Variants in PREX1 observed in about 807,000 individuals in gnomAD.
PREX1 encodes phosphatidylinositol 3,4,5-trisphosphate-dependent Rac exchanger 1 protein.
A neutral mutation model predicts 198.3 loss-of-function variants in PREX1; 41 were observed. The observed-to-expected ratio is 0.21, with a 90% CI of 0.16 to 0.27. PREX1 has a LOEUF of 0.27. Among genes scored for constraint, PREX1 ranks in the 10% least tolerant of loss-of-function variants. PREX1 has a pLI of 1.00. For missense variants in PREX1, 1,620 were observed against 2,200.7 expected, an observed-to-expected ratio of 0.74 and a Z score of 5.28; for synonymous variants, 843 against 887.2, an observed-to-expected ratio of 0.95 and a Z score of 0.89.
At chr20:48,763,971 C>T (rs1374243146) in intron 1 of PREX1, among the ~76,000 whole-genome samples, 2 of 152,168 alleles carry the variant, frequency 1.3e-5, no homozygotes, top group Non-Finnish European at 1.5e-5. Flanking sequence ...CAGTGGCTGA[C>T]GCGGCAGCCT....
the PREX1 span, among the ~76,000 whole-genome samples, chr20:48,838,602 G>A: frequency 6.6e-6 from 1 of 152,136 alleles, no homozygotes; most frequent in South Asian, 2.1e-4. Context: ...AAATGCTCAT[G>A]ATACATAGAT....
At chr20:48,705,933 A>G (rs1221619306) in intron 6 of PREX1, among the ~76,000 whole-genome samples, 3 of 152,224 alleles carry the variant, frequency 2.0e-5, no homozygotes. Context: ...AGGGCAGTCT[A>G]TAAGTTACAG....
rs1394443769 is a variant in PREX1, at chr20:48,684,690, C to T, written c.1335-3355G>A. 6.6e-6 allele frequency among the ~76,000 whole-genome samples: 1 copy of T among 152,178 alleles called. No homozygotes were observed. The highest frequency in any genetic ancestry group is 1.5e-5 in the Non-Finnish European group (1 of 68,036). On this transcript the variant is annotated intron_variant, in intron 10 of 39. Coordinates refer to ENST00000371941, the MANE Select transcript of PREX1 (RefSeq NM_020820.4). The surrounding 1 kb of genome is among the most constrained non-coding windows in gnomAD (Gnocchi z 4.2). ...CTGGATCCTCATCTCACTCCACTAC[C>T]GAGACTCCTCCAGTGGCTTCCCACA...
the PREX1 span, among the ~76,000 whole-genome samples, chr20:48,872,587 A>G: frequency 6.6e-6 from 1 of 152,246 alleles, no homozygotes; most frequent in Middle Eastern, 3.4e-3. Flanking sequence ...ATACTAAAAA[A>G]TATAAAAAAT....
intron 1 of PREX1, 111 bp from the exon 2 acceptor site, chr20:48,747,991 C>T (rs1254692938): frequency 5.8e-5 from 55 of 949,886 alleles, no homozygotes; most frequent in Non-Finnish European, 8.2e-5. Flanking sequence ...GGAGGTACCA[C>T]GAGTCCAGGG....
chr20:48,800,353 G>A (rs749976328), intron 1 of PREX1, among the ~76,000 whole-genome samples: 22 of 152,212 alleles, frequency 1.4e-4, no homozygotes, highest in Non-Finnish European at 2.8e-4. Context: ...TTCCTGAGAT[G>A]TGGGACTTTT....
chr20:48,625,660 C>T lies in PREX1; in HGVS notation c.*225G>A. The T allele has an allele frequency of 3.7e-6, 2 of 537,828 alleles. No individual in the cohort carries two copies. Among genetic ancestry groups the T allele is most frequent in the Non-Finnish European group, 6.4e-6 (2 of 312,146 alleles). 33.3% of individuals were successfully genotyped at this position (537,828 alleles called of 1,614,324 possible). A position where few individuals can be genotyped will look rare whatever the true frequency, so the allele number is the denominator to read the frequency against. On this transcript the variant is annotated 3_prime_UTR_variant, in exon 40 of 40. Coordinates refer to ENST00000371941, the MANE Select transcript of PREX1 (RefSeq NM_020820.4). ...TCTCCAGCACCCCTCCAGCTTCTGG[C>T]AGGCGTGTGAAGAATGGGCCGGCCC... is the stretch of plus-strand genomic sequence containing the variant.
At chr20:48,744,014 A>ATGATGG (rs1472646319) in intron 3 of PREX1, among the ~76,000 whole-genome samples, 5 of 149,848 alleles carry the variant, frequency 3.3e-5, no homozygotes, top group Non-Finnish European at 3.0e-5. Flanking sequence ...GATGATGATG[A>ATGATGG]TGATGATGAT....
intron 1 of PREX1, among the ~76,000 whole-genome samples, chr20:48,776,141 C>T (rs1041962780): frequency 1.3e-5 from 2 of 152,158 alleles, no homozygotes; most frequent in African/African-American, 2.4e-5. Flanking sequence ...AGACTCCCCT[C>T]ACCCCCTGAG....
chr20:48,641,193 C>G (rs886754928), intron 29 of PREX1, among the ~76,000 whole-genome samples: 1 of 152,078 alleles, frequency 6.6e-6, no homozygotes, highest in Non-Finnish European at 1.5e-5. Context: ...AAGAAGAAAG[C>G]CTCAATTTGG....
chr20:48,795,116 C>T (rs1011806297), intron 1 of PREX1, among the ~76,000 whole-genome samples: 1 of 152,148 alleles, frequency 6.6e-6, no homozygotes, highest in African/African-American at 2.4e-5. Context: ...CTGTCTGCCT[C>T]TTACCAGAGG....
At chr20:48,632,713 G>T in intron 33 of PREX1, 74 bp from the exon 34 acceptor site, 1 of 1,551,062 alleles carries the variant, frequency 6.4e-7, no homozygotes, top group Non-Finnish European at 8.8e-7. Flanking sequence ...CACCTCTCCA[G>T]AACAGCTGGC....
chr20:48,731,976 C>T (rs1415346118), intron 4 of PREX1, among the ~76,000 whole-genome samples: 1 of 152,202 alleles, frequency 6.6e-6, no homozygotes, highest in African/African-American at 2.4e-5. Flanking sequence ...AGGGTGGGAC[C>T]CTCAGCCAGG....
chr20:48,640,028 G>T, intron 29 of PREX1, 134 bp from the exon 30 acceptor site: 2 of 1,189,440 alleles, frequency 1.7e-6, no homozygotes, highest in Admixed American at 2.3e-5. Context: ...CAGGACTCCT[G>T]GGCATTATCG....
At chr20:48,812,258 T>C (rs2123048206) in intron 1 of PREX1, among the ~76,000 whole-genome samples, 1 of 149,428 alleles carries the variant, frequency 6.7e-6, no homozygotes, top group South Asian at 2.1e-4. Flanking sequence ...AATGGGTAAA[T>C]AATATAAGAG....
At chr20:48,756,775 C>G (rs1027692629) in intron 1 of PREX1, among the ~76,000 whole-genome samples, 1 of 152,172 alleles carries the variant, frequency 6.6e-6, no homozygotes, top group Non-Finnish European at 1.5e-5. Flanking sequence ...CTGTATTAGT[C>G]TGTTCTCACA....
chr20:48,823,398 G>A (rs980146497), intron 1 of PREX1, among the ~76,000 whole-genome samples: 2 of 152,182 alleles, frequency 1.3e-5, no homozygotes, highest in African/African-American at 4.8e-5. Flanking sequence ...CTAGGGGAGT[G>A]GGGGGCAAGC....
intron 26 of PREX1, among the ~76,000 whole-genome samples, chr20:48,645,435 A>G (rs2089443888): frequency 6.6e-6 from 1 of 152,170 alleles, no homozygotes; most frequent in African/African-American, 2.4e-5. Context: ...GAAAATTTAG[A>G]TCTTCTCAGG....
the PREX1 span, among the ~76,000 whole-genome samples, chr20:48,854,055 C>T: frequency 6.6e-6 from 1 of 152,210 alleles, no homozygotes; most frequent in Non-Finnish European, 1.5e-5. Context: ...GGCAGCTGCT[C>T]CGAACAACCC....
Sources: allele counts gnomAD v4.1 joint callset (sites outside exome capture counted in the v4.1 genomes callset), GRCh38; gene constraint gnomAD v4.1.1; non-coding constraint Gnocchi (gnomAD v3.1); transcripts MANE v1.5; gene names NCBI Gene and HGNC (gene_info 2026-07-23, HGNC 2026-07-21).